Variants in ASXL2 observed in about 807,000 individuals in gnomAD.
The protein encoded by ASXL2 is ASXL transcriptional regulator 2.
Under a neutral mutation model 122.0 loss-of-function variants are expected in ASXL2, and 23 were observed. The ratio of observed to expected loss-of-function variants is 0.19; its 90% CI spans 0.14 to 0.27. ASXL2 has a LOEUF of 0.27. ASXL2 is among the 10% of genes least tolerant of loss of function. The pLI is 1.00. For missense variants in ASXL2, 1,518 were observed against 1,713.8 expected, an observed-to-expected ratio of 0.89 and a Z score of 2.02; for synonymous variants, 650 against 637.0, an observed-to-expected ratio of 1.02 and a Z score of -0.31.
rs58751426 is a variant in ASXL2, at chr2:25,776,678, T to A, written c.404-5138A>T. ...AATGCTTATTATTGTCTGTCTTTTT[T>A]ACTTGGCCAATGTTTTTAAAGAGAC... is the stretch of plus-strand genomic sequence containing the variant. On this transcript the variant is annotated intron_variant, in intron 5 of 12. Coordinates refer to ENST00000435504, the MANE Select transcript of ASXL2 (RefSeq NM_018263.6). Among the ~76,000 whole-genome samples, 409 of 152,364 alleles carry A rather than the reference T, an allele frequency of 2.7e-3. 3 individuals carry two copies. Among genetic ancestry groups the A allele is most frequent in the African/African-American group, 9.4e-3 (392 of 41,592 alleles).
chr2:25,798,005 T>C (rs1167520204), intron 5 of ASXL2, among the ~76,000 whole-genome samples: 1 of 152,220 alleles, frequency 6.6e-6, no homozygotes, highest in African/African-American at 2.4e-5. Context: ...AGTAGGTGAA[T>C]GTATAAACAA....
intron 4 of ASXL2, among the ~76,000 whole-genome samples, chr2:25,802,163 A>G (rs2089009589): frequency 6.6e-6 from 1 of 152,204 alleles, no homozygotes; most frequent in Non-Finnish European, 1.5e-5. Flanking sequence ...GACAAAGTCC[A>G]GCTCAAATCT....
At chr2:25,755,846 T>G (rs1335336155) in intron 10 of ASXL2, among the ~76,000 whole-genome samples, 172 bp downstream of exon 10, 2 of 152,250 alleles carry the variant, frequency 1.3e-5, no homozygotes, top group Admixed American at 6.5e-5. Context: ...GTTAACCTGG[T>G]AACATAGGCT....
At chr2:25,782,876 C>A (rs897496031) in intron 5 of ASXL2, among the ~76,000 whole-genome samples, 14 of 152,276 alleles carry the variant, frequency 9.2e-5, no homozygotes, top group African/African-American at 3.4e-4. Context: ...GCCTGTAACC[C>A]CAGCACTTTG....
chr2:25,762,548 C>T (rs1181639517), intron 8 of ASXL2, among the ~76,000 whole-genome samples: 1 of 150,604 alleles, frequency 6.6e-6, no homozygotes, highest in Non-Finnish European at 1.5e-5. Flanking sequence ...CCCTGTAATC[C>T]CAGCTACTCA....
At chr2:25,758,685 T>G (rs978271201) in intron 9 of ASXL2, among the ~76,000 whole-genome samples, 3 of 151,894 alleles carry the variant, frequency 2.0e-5, no homozygotes, top group East Asian at 1.9e-4. Flanking sequence ...CTTTTGTTTT[T>G]TTTTTTTTTT....
At chr2:25,825,182 C>CCT (rs1298216663) in intron 3 of ASXL2, among the ~76,000 whole-genome samples, 2 of 152,182 alleles carry the variant, frequency 1.3e-5, no homozygotes, top group African/African-American at 4.8e-5. Flanking sequence ...TAAAGGCATA[C>CCT]CTCTGCTCAT....
chr2:25,799,404 C>T lies in ASXL2; in HGVS notation c.384G>A (p.Lys128=). 6.2e-7 allele frequency: 1 copy of T among 1,613,976 alleles called. No homozygotes were observed. Among genetic ancestry groups the T allele is most frequent in the Non-Finnish European group, 8.5e-7 (1 of 1,179,872 alleles). The part of the protein sequence containing the change: ...SDGGSNKEGK[K]SRWKRKVSSS... ...ATTTACCTTTCCTTTTCCACCTGCT[C>T]TTTTTTCCCTCCTTGTTGCTGCCAC... The change falls in exon 5 of 13, where the codon AAG becomes AAA. Residue 128 remains lysine (K), a synonymous_variant. Coordinates refer to ENST00000435504, the MANE Select transcript of ASXL2 (RefSeq NM_018263.6).
intron 1 of ASXL2, among the ~76,000 whole-genome samples, chr2:25,851,303 A>G (rs568504348): frequency 6.4e-4 from 97 of 152,352 alleles, no homozygotes; most frequent in African/African-American, 2.2e-3. Flanking sequence ...CATTTTATAA[A>G]GCAGCATTAT....
At chr2:25,793,328 G>A (rs2088864560) in intron 5 of ASXL2, among the ~76,000 whole-genome samples, 1 of 152,096 alleles carries the variant, frequency 6.6e-6, no homozygotes, top group African/African-American at 2.4e-5. Context: ...CTCGTTGCTG[G>A]ATATTTACAT....
Position 25,744,452 on chromosome 2 carries a change from T to C in ASXL2, c.1885A>G (p.Met629Val). Residue 629 changes from methionine to valine, a missense_variant, in exon 13 of 13, where the codon ATG becomes GTG. Met to Val is a conservative substitution (Grantham distance 21). Around this residue, in one of 8 missense-constraint regions of ASXL2, gnomAD observed 292 missense variants for 293.5 expected, o/e 1.00. Coordinates refer to ENST00000435504, the MANE Select transcript of ASXL2 (RefSeq NM_018263.6). This position sits in a 1 kb window ranked among gnomAD's most constrained non-coding sequence, Gnocchi z 4.7. The part of the protein sequence containing the change: ...LKIPVSRISP[M>V]PFHPSQVSPR... ...GAGACCTGCGATGGATGAAACGGCA[T>C]GGGGGAGATTCTGGAGACCGGGATC... The C allele has an allele frequency of 6.2e-7, 1 of 1,604,470 alleles. No individual in the cohort carries two copies.
chr2:25,812,019 C>T (rs2089176601), intron 3 of ASXL2, among the ~76,000 whole-genome samples: 1 of 152,032 alleles, frequency 6.6e-6, no homozygotes. Flanking sequence ...TCCCAAAGTG[C>T]TGGGATTACA....
intron 10 of ASXL2, among the ~76,000 whole-genome samples, chr2:25,754,380 CATCAAGGA>C (rs1255045405): frequency 6.6e-6 from 1 of 152,108 alleles, no homozygotes; most frequent in African/African-American, 2.4e-5. Context: ...ATACCCAGGA[CATCAAGGA>C]ATAAGAGGTA....
Position 25,756,170 on chromosome 2 carries a change from C to T in ASXL2, c.940-56G>A, listed in dbSNP as rs146301886. ...ACAAAGAAAGTGAAAGGTATCACGT[C>T]GTATTTGACCTTCCTTTCATTTTAT... On this transcript the variant is annotated intron_variant, in intron 9 of 12. Transcript: ENST00000435504. The T allele has an allele frequency of 1.1e-3, 1,086 of 1,012,906 alleles. 6 individuals are homozygous for T. The African/African-American group carries it at 0.015, about 14-fold the overall frequency. The allele number at this position is 1,012,906 out of a possible 1,614,324, so 62.7% of individuals were successfully genotyped here. A position where few individuals can be genotyped will look rare whatever the true frequency, so the allele number is the denominator to read the frequency against.
chr2:25,821,981 T>C (rs1200619800), intron 3 of ASXL2, among the ~76,000 whole-genome samples: 1 of 152,180 alleles, frequency 6.6e-6, no homozygotes, highest in African/African-American at 2.4e-5. Flanking sequence ...TATGATGCAA[T>C]GAGTTGCAAG....
At chr2:25,746,506 G>GAA (rs11312322) in intron 12 of ASXL2, among the ~76,000 whole-genome samples, 2 of 136,114 alleles carry the variant, frequency 1.5e-5, no homozygotes, top group East Asian at 2.7e-4. Context: ...GGGAAAAAAT[G>GAA]AAAAAAAAAA....
At chr2:25,746,992 G>A (rs557686853) in intron 12 of ASXL2, among the ~76,000 whole-genome samples, 12 of 152,230 alleles carry the variant, frequency 7.9e-5, no homozygotes, top group South Asian at 6.2e-4. Context: ...ATAAAATGGC[G>A]TAGTATTTGC....
chr2:25,834,369 T>C (rs1247778472), intron 3 of ASXL2, among the ~76,000 whole-genome samples: 1 of 151,822 alleles, frequency 6.6e-6, no homozygotes, highest in African/African-American at 2.4e-5. Flanking sequence ...AATAAATAAA[T>C]AAATAAGAAC....
At chr2:25,782,243 T>C (rs1022860671) in intron 5 of ASXL2, among the ~76,000 whole-genome samples, 1 of 152,086 alleles carries the variant, frequency 6.6e-6, no homozygotes, top group Non-Finnish European at 1.5e-5. Flanking sequence ...TGCTTACCTG[T>C]GTTGATATAA....
Sources: allele counts gnomAD v4.1 joint callset (sites outside exome capture counted in the v4.1 genomes callset), GRCh38; gene constraint gnomAD v4.1.1; regional missense constraint gnomAD v4.1.1; non-coding constraint Gnocchi (gnomAD v3.1); transcripts MANE v1.5; gene names NCBI Gene and HGNC (gene_info 2026-07-23, HGNC 2026-07-21).